Variants in LINGO2 observed in about 807,000 individuals in gnomAD.
LINGO2 encodes leucine-rich repeat and immunoglobulin-like domain-containing nogo receptor-interacting protein 2.
A neutral mutation model predicts 30.6 loss-of-function variants in LINGO2; 14 were observed. That is an observed-to-expected ratio of 0.46 (90% CI 0.30 to 0.72). The LOEUF is 0.72. Among genes scored for constraint, LINGO2 ranks in the 30% least tolerant of loss-of-function variants. The pLI, the probability that LINGO2 is intolerant of heterozygous loss-of-function variation, is 0.07. For synonymous variants in LINGO2, 317 were observed against 288.5 expected, an observed-to-expected ratio of 1.10 and a Z score of -1.00; for missense variants, 729 against 751.7, an observed-to-expected ratio of 0.97 and a Z score of 0.35.
At chr9:28,064,275 C>T (rs1004151732) in intron 4 of LINGO2, among the ~76,000 whole-genome samples, 1 of 152,054 alleles carries the variant, frequency 6.6e-6, no homozygotes, top group African/African-American at 2.4e-5. Context: ...TTAAAGGCAC[C>T]GACATTTCCA....
chr9:28,231,342 C>T (rs1821348197), intron 4 of LINGO2, among the ~76,000 whole-genome samples: 1 of 151,860 alleles, frequency 6.6e-6, no homozygotes, highest in African/African-American at 2.4e-5. Flanking sequence ...AAGCCATTTC[C>T]AAGTATATTT....
chr9:28,093,286 G>GA (rs1826150721), intron 4 of LINGO2, among the ~76,000 whole-genome samples: 1 of 151,826 alleles, frequency 6.6e-6, no homozygotes, highest in Non-Finnish European at 1.5e-5. Context: ...ACACCTCTGT[G>GA]AAAAAAAATC....
At chr9:28,347,131 A>G (rs1402790369) in intron 3 of LINGO2, among the ~76,000 whole-genome samples, 2 of 152,220 alleles carry the variant, frequency 1.3e-5, no homozygotes, top group African/African-American at 4.8e-5. Context: ...TTAAGGATAT[A>G]GGATGTGAAT....
At position 28,273,640 on chromosome 9, in the gene LINGO2, A is replaced by G. The variant is rs10968426; in HGVS notation, c.-87+21568T>C. On this transcript the variant is annotated intron_variant, in intron 4 of 5. Coordinates refer to ENST00000379992, the Ensembl canonical transcript of LINGO2. The stretch of plus-strand genomic sequence containing the variant: ...CCATTTTGTGTTTGCTTACTATTTC[A>G]TCTGATTAATGCTTCTATCAGAGGA... Among the ~76,000 whole-genome samples, 380 of 152,246 alleles carry G rather than the reference A, an allele frequency of 2.5e-3. 11 individuals carry two copies. The East Asian group carries it at 0.059, about 24-fold the overall frequency.
chr9:28,505,667 T>C (rs10429613), intron 1 of LINGO2, among the ~76,000 whole-genome samples: 149,938 of 152,004 alleles, frequency 0.99, 73,987 homozygotes, highest in Middle Eastern at 1. Context: ...TTACCTTTTC[T>C]TATTTGACCC....
intron 2 of LINGO2, among the ~76,000 whole-genome samples, chr9:28,413,485 C>G (rs948773109): frequency 1.3e-5 from 2 of 152,094 alleles, no homozygotes; most frequent in Non-Finnish European, 2.9e-5. Context: ...GCTTAAAATG[C>G]TTTCCCTCCA....
chr9:28,526,672 C>T (rs1386077608), intron 1 of LINGO2, among the ~76,000 whole-genome samples: 1 of 152,132 alleles, frequency 6.6e-6, no homozygotes, highest in East Asian at 1.9e-4. Context: ...TAAAGGCAGA[C>T]CTTTTGGCCA....
intron 4 of LINGO2, among the ~76,000 whole-genome samples, chr9:28,074,733 A>G (rs114763322): frequency 1.3e-3 from 204 of 152,266 alleles, no homozygotes; most frequent in African/African-American, 4.7e-3. Flanking sequence ...TTTTTATGTG[A>G]TATTGTAGAA....
At chr9:28,454,848 T>C (rs1025760105) in intron 2 of LINGO2, among the ~76,000 whole-genome samples, 9 of 151,992 alleles carry the variant, frequency 5.9e-5, no homozygotes, top group African/African-American at 2.2e-4. Context: ...TTAGGACAAT[T>C]TTAATATAGA....
At chr9:28,153,982 A>G (rs1326748371) in intron 4 of LINGO2, among the ~76,000 whole-genome samples, 1 of 152,192 alleles carries the variant, frequency 6.6e-6, no homozygotes, top group Admixed American at 6.5e-5. Flanking sequence ...AAATTATTAC[A>G]TTATTTGCCC....
At chr9:29,000,419 T>C in the LINGO2 span, among the ~76,000 whole-genome samples, 5 of 151,946 alleles carry the variant, frequency 3.3e-5, no homozygotes, top group African/African-American at 4.8e-5. Flanking sequence ...CTGGAAAACA[T>C]AGCCCTTATA....
the LINGO2 span, among the ~76,000 whole-genome samples, chr9:28,856,430 T>C: frequency 1.3e-5 from 2 of 151,970 alleles, no homozygotes; most frequent in African/African-American, 4.8e-5. Context: ...TTACAAACTA[T>C]GGTGGTTCTA....
At chr9:28,279,800 C>T (rs1823255727) in intron 4 of LINGO2, among the ~76,000 whole-genome samples, 2 of 152,038 alleles carry the variant, frequency 1.3e-5, no homozygotes, top group African/African-American at 2.4e-5. Context: ...CTGGCACCCA[C>T]CCACCCACAA....
At chr9:29,078,540 G>C in the LINGO2 span, among the ~76,000 whole-genome samples, 1 of 151,860 alleles carries the variant, frequency 6.6e-6, no homozygotes, top group African/African-American at 2.4e-5. Flanking sequence ...CACTGACATT[G>C]GTATTAGTCA....
At chr9:28,749,590 C>G in the LINGO2 span, among the ~76,000 whole-genome samples, 1 of 151,174 alleles carries the variant, frequency 6.6e-6, no homozygotes, top group Admixed American at 6.6e-5. Flanking sequence ...AGAGTTTAAT[C>G]AGCATTTATA....
At chr9:29,072,958 T>G in the LINGO2 span, among the ~76,000 whole-genome samples, 1 of 144,558 alleles carries the variant, frequency 6.9e-6, no homozygotes, top group African/African-American at 2.5e-5. Flanking sequence ...CCTCCCCTCC[T>G]TCCCTCCCTC....
the LINGO2 span, among the ~76,000 whole-genome samples, chr9:28,762,591 A>G: frequency 6.6e-6 from 1 of 152,038 alleles, no homozygotes; most frequent in Non-Finnish European, 1.5e-5. Context: ...TTGATTGAGG[A>G]CAATGAAGTT....
chr9:28,711,272 G>A, the LINGO2 span, among the ~76,000 whole-genome samples: 18 of 152,128 alleles, frequency 1.2e-4, no homozygotes, highest in Non-Finnish European at 1.8e-4. Context: ...CTAACCCTAC[G>A]TTTCTATCAT....
chr9:28,938,680 A>G, the LINGO2 span, among the ~76,000 whole-genome samples: 4 of 152,220 alleles, frequency 2.6e-5, no homozygotes. Flanking sequence ...ACAGGTTTGT[A>G]GCCTAGGAGC....
Sources: allele counts gnomAD v4.1 joint callset (sites outside exome capture counted in the v4.1 genomes callset), GRCh38; gene constraint gnomAD v4.1.1; transcripts MANE v1.5; gene names NCBI Gene and HGNC (gene_info 2026-07-23, HGNC 2026-07-21).